The following ANKS1B variants were observed in gnomAD, a reference collection of about 807,000 sequenced individuals.
The protein encoded by ANKS1B is ankyrin repeat and sterile alpha motif domain-containing protein 1B.
In ANKS1B, 36 loss-of-function variants were observed where a neutral mutation model predicts 148.3. The ratio of observed to expected loss-of-function variants is 0.24; its 90% CI spans 0.19 to 0.32. ANKS1B has a LOEUF of 0.32. Ranked by LOEUF, ANKS1B falls within the 10% of genes least tolerant of loss-of-function variation. The pLI is 1.00. For synonymous variants in ANKS1B, 542 were observed against 560.8 expected, an observed-to-expected ratio of 0.97 and a Z score of 0.47; for missense variants, 1,157 against 1,542.6, an observed-to-expected ratio of 0.75 and a Z score of 4.19.
intron 17 of ANKS1B, chr12:98,894,923 C>T (rs897615534): frequency 7.8e-6 from 7 of 895,330 alleles, no homozygotes; most frequent in Middle Eastern, 5.6e-4. Flanking sequence ...GCGGCGCGTG[C>T]CCCCCACCCC....
rs1027027440 is a variant in ANKS1B at position 99,857,644 on chromosome 12, A to C, written c.135-32255T>G. On this transcript the variant is annotated intron_variant, in intron 1 of 26. Transcript: ENST00000683438. The stretch of plus-strand genomic sequence containing the variant: ...TTACCCAACCTCAAACTATACTAAA[A>C]GGCAATAGTCACCAAAACAACATAG... Among the ~76,000 whole-genome samples the C allele has an allele frequency of 4.6e-5, 7 of 152,316 alleles. No individual in the cohort carries two copies. The East Asian group carries it at 1.2e-3, about 25-fold the overall frequency.
intron 17 of ANKS1B, among the ~76,000 whole-genome samples, chr12:98,907,047 G>A (rs1596642461): frequency 7.1e-6 from 1 of 141,468 alleles, no homozygotes; most frequent in Admixed American, 7.1e-5. Context: ...GTGTGTGTGT[G>A]TATGTATGGT....
chr12:99,320,505 G>T (rs1250367131), intron 12 of ANKS1B, among the ~76,000 whole-genome samples: 3 of 152,152 alleles, frequency 2.0e-5, no homozygotes, highest in Admixed American at 2.0e-4. Flanking sequence ...GCTTGTGCAT[G>T]CATCATGTAG....
At chr12:99,961,348 A>G (rs1009473091) in intron 1 of ANKS1B, among the ~76,000 whole-genome samples, 4 of 152,218 alleles carry the variant, frequency 2.6e-5, no homozygotes, top group African/African-American at 9.6e-5. Context: ...GTTTGAGTGT[A>G]TTCTCTTAAA....
chr12:99,354,846 C>G (rs1246782355), intron 12 of ANKS1B, among the ~76,000 whole-genome samples: 1 of 151,910 alleles, frequency 6.6e-6, no homozygotes. Context: ...AAGTATATGA[C>G]TCAAACAATC....
At chr12:98,895,324 C>T in intron 17 of ANKS1B, 2 of 985,048 alleles carry the variant, frequency 2.0e-6, no homozygotes, top group Non-Finnish European at 2.4e-6. Flanking sequence ...CCCCTCCGCG[C>T]ACTCCGGGAG....
At chr12:99,262,199 C>A (rs1195949491) in intron 12 of ANKS1B, among the ~76,000 whole-genome samples, 1 of 151,990 alleles carries the variant, frequency 6.6e-6, no homozygotes, top group Non-Finnish European at 1.5e-5. Context: ...ATTCTTATTC[C>A]CTTCCCTGCT....
At position 98,859,690 on chromosome 12, in the gene ANKS1B, C is replaced by T. The variant is rs979677029; in HGVS notation, c.2779-27554G>A. Among the ~76,000 whole-genome samples the T allele has an allele frequency of 5.4e-4, 82 of 152,316 alleles. 1 individual carries two copies. Among genetic ancestry groups the T allele is most frequent in the African/African-American group, 1.9e-3 (78 of 41,572 alleles). On this transcript the variant is annotated intron_variant, in intron 17 of 26. Coordinates refer to ENST00000683438, the MANE Select transcript of ANKS1B (RefSeq NM_001352186.2). ...ATCAAATAGATAATATATGAAACAA[C>T]ATTTAAATCGATACAGCCCAGGAGA...
At chr12:99,048,529 G>A (rs756172041) in intron 17 of ANKS1B, among the ~76,000 whole-genome samples, 12 of 152,158 alleles carry the variant, frequency 7.9e-5, no homozygotes, top group Non-Finnish European at 8.8e-5. Context: ...TACTTCCAAT[G>A]ACATTTTAGT....
chr12:99,800,248 G>T (rs976741624), intron 4 of ANKS1B, among the ~76,000 whole-genome samples: 2 of 152,044 alleles, frequency 1.3e-5, no homozygotes, highest in Non-Finnish European at 2.9e-5. Flanking sequence ...CAGAAGAAAG[G>T]CCGTGTGAGG....
chr12:99,690,162 A>AGAACAGCATAGGGG (rs1320414403), intron 8 of ANKS1B, among the ~76,000 whole-genome samples: 12 of 152,154 alleles, frequency 7.9e-5, no homozygotes, highest in African/African-American at 2.7e-4. Flanking sequence ...CACTATCATG[A>AGAACAGCATAGGGG]GAACAGCATA....
intron 14 of ANKS1B, among the ~76,000 whole-genome samples, chr12:99,184,126 T>C (rs568712966): frequency 1.3e-5 from 2 of 152,356 alleles, no homozygotes; most frequent in South Asian, 2.1e-4. Flanking sequence ...TTTACCTTCT[T>C]TGTGACAAGC....
chr12:99,936,961 T>C (rs1290220213), intron 1 of ANKS1B, among the ~76,000 whole-genome samples: 2 of 152,332 alleles, frequency 1.3e-5, no homozygotes, highest in Admixed American at 6.5e-5. Context: ...AACCAAAGTA[T>C]ACAGCTTGCT....
chr12:99,371,668 C>A (rs1368886945), intron 12 of ANKS1B, among the ~76,000 whole-genome samples: 1 of 152,000 alleles, frequency 6.6e-6, no homozygotes, highest in Non-Finnish European at 1.5e-5. Flanking sequence ...CTGTGAGAAC[C>A]TTCCAAATTC....
At chr12:99,906,054 G>A (rs960946588) in intron 1 of ANKS1B, among the ~76,000 whole-genome samples, 1 of 152,164 alleles carries the variant, frequency 6.6e-6, no homozygotes, top group African/African-American at 2.4e-5. Context: ...ATCTAAACCA[G>A]CGGTTTCAAA....
chr12:99,933,653 T>A (rs556181752), intron 1 of ANKS1B, among the ~76,000 whole-genome samples: 1 of 152,218 alleles, frequency 6.6e-6, no homozygotes, highest in South Asian at 2.1e-4. Flanking sequence ...GGGCTTCAGG[T>A]TTTTCTAAAT....
At chr12:98,964,635 T>C (rs2099876255) in intron 17 of ANKS1B, among the ~76,000 whole-genome samples, 1 of 152,172 alleles carries the variant, frequency 6.6e-6, no homozygotes, top group African/African-American at 2.4e-5. Context: ...AAAAAGGAAT[T>C]AGCTCTTGTC....
intron 10 of ANKS1B, among the ~76,000 whole-genome samples, chr12:99,478,385 T>C (rs543752173): frequency 6.6e-6 from 1 of 152,276 alleles, no homozygotes; most frequent in South Asian, 2.1e-4. Flanking sequence ...GCAGACATTT[T>C]TGGAATCCAG....
chr12:99,495,203 G>A lies in ANKS1B; in HGVS notation c.1438+9273C>T, dbSNP rs77737538. On this transcript the variant is annotated intron_variant, in intron 10 of 26. Transcript: ENST00000683438. ...TTCTGTTGCATAGGATAGCATACAC[G>A]ACATCATAAAGAGCCTATATTCCCA... Among the ~76,000 whole-genome samples, 1,389 of 152,150 alleles carry A rather than the reference G, an allele frequency of 9.1e-3. 20 individuals carry two copies. Among genetic ancestry groups the A allele is most frequent in the African/African-American group, 0.031 (1,293 of 41,504 alleles).
Sources: gnomAD v4.1 joint callset for allele counts (sites outside exome capture counted in the v4.1 genomes callset) on GRCh38, gnomAD v4.1.1 for gene constraint, MANE v1.5 for transcripts, NCBI Gene and HGNC (gene_info 2026-07-23, HGNC 2026-07-21) for gene names.